RPTOR: variants seen among roughly 807,000 people sequenced by gnomAD.
RPTOR encodes the protein regulatory associated protein of MTOR complex 1.
A neutral mutation model predicts 169.9 loss-of-function variants in RPTOR; 21 were observed. That is an observed-to-expected ratio of 0.12 (90% CI 0.09 to 0.18). The LOEUF is 0.18. RPTOR is among the 10% of genes least tolerant of loss of function. The pLI is 1.00. For synonymous variants in RPTOR, 732 were observed against 753.2 expected (o/e 0.97, Z 0.46); for missense variants, 1,133 against 1,855.9 (o/e 0.61, Z 7.16).
intron 1 of RPTOR, among the ~76,000 whole-genome samples, chr17:80,560,774 C>T (rs1474915830): frequency 6.6e-6 from 1 of 152,166 alleles, no homozygotes; most frequent in Non-Finnish European, 1.5e-5. Flanking sequence ...CACTTGGCTA[C>T]GTGTTCGTTT....
chr17:80,577,275 C>T (rs2064972674), intron 1 of RPTOR, among the ~76,000 whole-genome samples: 1 of 152,134 alleles, frequency 6.6e-6, no homozygotes, highest in Non-Finnish European at 1.5e-5. Flanking sequence ...GGCAATCCAT[C>T]TGAACTGGCC....
chr17:80,748,102 G>T (rs1360882388), intron 5 of RPTOR, among the ~76,000 whole-genome samples: 1 of 113,248 alleles, frequency 8.8e-6, no homozygotes, highest in East Asian at 2.5e-4. Context: ...GGCCGTGGCG[G>T]GAGGACCTGT....
At chr17:80,806,038 T>A (rs2067215366) in intron 7 of RPTOR, among the ~76,000 whole-genome samples, 1 of 152,226 alleles carries the variant, frequency 6.6e-6, no homozygotes, top group South Asian at 2.1e-4. Context: ...ATGGCAGCAC[T>A]GTGCATATGA....
chr17:80,937,999 G>A (rs998186893), intron 24 of RPTOR, among the ~76,000 whole-genome samples: 1 of 152,244 alleles, frequency 6.6e-6, no homozygotes, highest in South Asian at 2.1e-4. Flanking sequence ...TCCCAGCCCA[G>A]CAAGGGCTGT....
intron 10 of RPTOR, among the ~76,000 whole-genome samples, chr17:80,839,403 A>G (rs930980939): frequency 7.9e-5 from 12 of 152,194 alleles, no homozygotes; most frequent in African/African-American, 2.9e-4. Context: ...CATGCCCACC[A>G]CTTACTTCTA....
intron 29 of RPTOR, among the ~76,000 whole-genome samples, chr17:80,958,099 C>T (rs963609815): frequency 2.1e-5 from 3 of 145,130 alleles, no homozygotes; most frequent in East Asian, 4.7e-4. Flanking sequence ...GAGATGGGGT[C>T]TCACTCTGTC....
chr17:80,752,509 C>T (rs894764568), intron 5 of RPTOR, among the ~76,000 whole-genome samples: 1 of 152,236 alleles, frequency 6.6e-6, no homozygotes, highest in Non-Finnish European at 1.5e-5. Context: ...TACATAATCC[C>T]TCATGTGTTA....
intron 5 of RPTOR, among the ~76,000 whole-genome samples, chr17:80,743,765 T>TGTC (rs1567887241): frequency 2.6e-5 from 2 of 77,806 alleles, no homozygotes; most frequent in Non-Finnish European, 5.0e-5. Context: ...CTACTAGCAC[T>TGTC]CTCCTGGTTA....
chr17:80,595,108 G>A (rs2065135591), intron 1 of RPTOR, among the ~76,000 whole-genome samples: 1 of 152,132 alleles, frequency 6.6e-6, no homozygotes, highest in Non-Finnish European at 1.5e-5. Flanking sequence ...CGGGGAATGG[G>A]TGGGAGCATA....
intron 3 of RPTOR, among the ~76,000 whole-genome samples, chr17:80,700,697 ATGG>A (rs1567864587): frequency 3.9e-4 from 9 of 23,048 alleles, no homozygotes; most frequent in Admixed American, 5.4e-4. Context: ...GGTGATGGTG[ATGG>A]TGGTGGTGAT....
intron 3 of RPTOR, among the ~76,000 whole-genome samples, chr17:80,644,132 T>C (rs886598525): frequency 1.3e-5 from 2 of 152,234 alleles, no homozygotes; most frequent in African/African-American, 4.8e-5. Context: ...AGGAAATGTA[T>C]TTTCGATAAT....
intron 7 of RPTOR, among the ~76,000 whole-genome samples, chr17:80,800,979 C>A (rs1311066470): frequency 6.6e-6 from 1 of 152,218 alleles, no homozygotes; most frequent in Non-Finnish European, 1.5e-5. Flanking sequence ...AGCACGGCTG[C>A]CCCGTGTGGC....
chr17:80,939,361 AT>A (rs1297243907), intron 24 of RPTOR, among the ~76,000 whole-genome samples: 3 of 152,234 alleles, frequency 2.0e-5, no homozygotes, highest in Non-Finnish European at 4.4e-5. Flanking sequence ...ACACAGACAC[AT>A]GCACGCACTC....
chr17:80,602,377 C>G (rs1567815080), intron 1 of RPTOR, among the ~76,000 whole-genome samples: 2 of 42,580 alleles, frequency 4.7e-5, no homozygotes, highest in African/African-American at 9.5e-5. Flanking sequence ...GGGGGGCTGA[C>G]CCCCCCACCT....
Position 80,960,342 on chromosome 17 carries a change from A to T in RPTOR, c.3605+137A>T. 8.2e-7 allele frequency: 1 copy of T among 1,221,642 alleles called. No homozygotes were observed. Among genetic ancestry groups the T allele is most frequent in the Non-Finnish European group, 1.1e-6 (1 of 876,198 alleles). The allele number at this position is 1,221,642 out of a possible 1,614,324, so 75.7% of individuals were successfully genotyped here. On this transcript the variant is annotated intron_variant, in intron 30 of 33. Coordinates refer to ENST00000306801, the MANE Select transcript of RPTOR (RefSeq NM_020761.3). This position sits in a 1 kb window ranked among gnomAD's most constrained non-coding sequence, Gnocchi z 4.8. ...CTTCCCCAGGAGCCTGCAGTGGCGTATTTAGGCCAGTCCTGGGCTCCCCAA... is the reference window on the plus strand; with the variant it reads ...CTTCCCCAGGAGCCTGCAGTGGCGTTTTTAGGCCAGTCCTGGGCTCCCCAA...
chr17:80,608,710 C>G (rs151235411), intron 1 of RPTOR, among the ~76,000 whole-genome samples: 1 of 152,322 alleles, frequency 6.6e-6, no homozygotes, highest in Non-Finnish European at 1.5e-5. Flanking sequence ...GTTCGGGGCA[C>G]TTTCCCCCCT....
chr17:80,874,300 G>A (rs1196036324), intron 13 of RPTOR, among the ~76,000 whole-genome samples: 1 of 151,694 alleles, frequency 6.6e-6, no homozygotes, highest in East Asian at 1.9e-4. Context: ...GGGTTCAAGC[G>A]ATTTTCCTGC....
chr17:80,586,807 A>G (rs1031915413), intron 1 of RPTOR, among the ~76,000 whole-genome samples: 1 of 152,150 alleles, frequency 6.6e-6, no homozygotes, highest in Non-Finnish European at 1.5e-5. Context: ...CAAACGTCTG[A>G]TTTTTCCTCT....
intron 10 of RPTOR, among the ~76,000 whole-genome samples, chr17:80,842,832 T>A (rs115435089): frequency 0.014 from 2,128 of 152,294 alleles, 62 homozygotes; most frequent in African/African-American, 0.049. Flanking sequence ...ACGTCCCCCG[T>A]GAATGCTCGG....
Sources: gnomAD v4.1 joint callset for allele counts (sites outside exome capture counted in the v4.1 genomes callset) on GRCh38, gnomAD v4.1.1 for gene constraint, Gnocchi (gnomAD v3.1) non-coding constraint, MANE v1.5 for transcripts, NCBI Gene and HGNC (gene_info 2026-07-23, HGNC 2026-07-21) for gene names.